LANCL2: variants seen among roughly 807,000 people sequenced by gnomAD.
The protein encoded by LANCL2 is LanC like glutathione S-transferase 2, also known as lanC-like protein 2.
Under a neutral mutation model 56.9 loss-of-function variants are expected in LANCL2, and 33 were observed. That is an observed-to-expected ratio of 0.58 (90% CI 0.44 to 0.78). The LOEUF is 0.78. Ranked by LOEUF, LANCL2 falls within the 30% of genes least tolerant of loss-of-function variation. The pLI is 0.00. For synonymous variants in LANCL2, 233 were observed against 228.2 expected, an observed-to-expected ratio of 1.02 and a Z score of -0.19; for missense variants, 562 against 580.2, an observed-to-expected ratio of 0.97 and a Z score of 0.32.
chr7:55,378,536 G>GTATATATA (rs1562857212), intron 1 of LANCL2, among the ~76,000 whole-genome samples: 9 of 33,350 alleles, frequency 2.7e-4, no homozygotes, highest in Admixed American at 1.1e-3. Context: ...ATGTATACGT[G>GTATATATA]TGTGTGTGTG....
At chr7:55,398,285 A>G in intron 2 of LANCL2, 138 bp from the exon 3 acceptor site, 1 of 635,244 alleles carries the variant, frequency 1.6e-6, no homozygotes, top group Non-Finnish European at 2.8e-6. Flanking sequence ...AAATATATGA[A>G]ATGTATTGTT....
intron 7 of LANCL2, among the ~76,000 whole-genome samples, chr7:55,426,650 G>T (rs1425765434): frequency 6.6e-6 from 1 of 152,212 alleles, no homozygotes; most frequent in Admixed American, 6.5e-5. Context: ...GGTCAGCAAG[G>T]GATGTCTCAG....
chr7:55,388,814 T>C (rs1369421970), intron 1 of LANCL2, among the ~76,000 whole-genome samples: 1 of 152,152 alleles, frequency 6.6e-6, no homozygotes, highest in Non-Finnish European at 1.5e-5. Context: ...CTGGGAGCCC[T>C]TTGGTCCTCA....
chr7:55,379,601 A>G (rs1326774009), intron 1 of LANCL2: 1 of 152,660 alleles, frequency 6.6e-6, no homozygotes, highest in South Asian at 2.1e-4. Context: ...GGTATCCCCT[A>G]TTTATTCCTT....
intron 1 of LANCL2, among the ~76,000 whole-genome samples, chr7:55,385,593 G>A (rs1487535936): frequency 6.6e-6 from 1 of 152,182 alleles, no homozygotes; most frequent in African/African-American, 2.4e-5. Flanking sequence ...ATACGAATAG[G>A]TGTGGGTGAC....
intron 5 of LANCL2, among the ~76,000 whole-genome samples, chr7:55,410,904 T>TCACC (rs1344735854): frequency 6.6e-6 from 1 of 151,614 alleles, no homozygotes; most frequent in Non-Finnish European, 1.5e-5. Context: ...TGTTAACATG[T>TCACC]CACCCTAAGA....
Position 55,428,443 on chromosome 7 carries a change from T to G in LANCL2, c.1254T>G (p.Phe418Leu). 1 of 1,613,614 alleles carries G rather than the reference T, an allele frequency of 6.2e-7. No homozygotes were observed. The highest frequency in any genetic ancestry group is 8.5e-7 in the Non-Finnish European group (1 of 1,179,486). The change falls in exon 8 of 9, where the codon TTT becomes TTG. Residue 418 changes from phenylalanine to leucine, a missense_variant. Coordinates refer to ENST00000254770, the MANE Select transcript of LANCL2 (RefSeq NM_018697.4). Reference protein sequence around the residue: ...CRIPDRPYSLFEGMAGAIHFL... With the variant: ...CRIPDRPYSLLEGMAGAIHFL... ...TTCCTGACAGACCCTATTCGCTCTT[T>G]GAAGGTAAGAGTGAGAAAAATGCTA...
intron 2 of LANCL2, among the ~76,000 whole-genome samples, chr7:55,394,601 T>C (rs1277940410): frequency 6.6e-6 from 1 of 152,090 alleles, no homozygotes; most frequent in Non-Finnish European, 1.5e-5. Flanking sequence ...CCACAACTTA[T>C]CCCTTTAGCA....
rs1790758118 is a variant in LANCL2, at chr7:55,433,610, C to G, written c.*2290C>G. 1 of 152,200 alleles carries G rather than the reference C, an allele frequency of 6.6e-6. No individual in the cohort carries two copies. Among genetic ancestry groups the G allele is most frequent in the Non-Finnish European group, 1.5e-5 (1 of 68,048 alleles). The allele number at this position is 152,200 out of a possible 1,614,324, so 9.4% of individuals were successfully genotyped here. A position where few individuals can be genotyped will look rare whatever the true frequency, so the allele number is the denominator to read the frequency against. ...CACAATTGTGTTCTCTAAAATGTGTCTAAATTTTAAAAATATGTACATGCA... is the reference window on the plus strand; with the variant it reads ...CACAATTGTGTTCTCTAAAATGTGTGTAAATTTTAAAAATATGTACATGCA... On this transcript the variant is annotated 3_prime_UTR_variant, in exon 9 of 9. Transcript: ENST00000254770.
At chr7:55,429,312 T>G (rs1562871774) in intron 8 of LANCL2, among the ~76,000 whole-genome samples, 1 of 152,248 alleles carries the variant, frequency 6.6e-6, no homozygotes, top group East Asian at 1.9e-4. Flanking sequence ...TCTGGAGATT[T>G]ATTTTTCTAG....
Position 55,432,786 on chromosome 7 carries a change from CTGTT to C in LANCL2, c.*1469_*1472del, listed in dbSNP as rs1459983700. ...AGCTTCTAAACGATGCCTGGAGAGT[CTGTT>C]TGCTGCAGACACCCTTGCTCCTGAG... On this transcript the variant is annotated 3_prime_UTR_variant, in exon 9 of 9. Coordinates refer to ENST00000254770, the MANE Select transcript of LANCL2 (RefSeq NM_018697.4). The C allele has an allele frequency of 6.6e-6, 1 of 152,228 alleles. No individual in the cohort carries two copies. The highest frequency in any genetic ancestry group is 1.5e-5 in the Non-Finnish European group (1 of 68,052). 9.4% of individuals were successfully genotyped at this position (152,228 alleles called of 1,614,324 possible).
At chr7:55,398,190 CCAAG>C (rs1562862867) in intron 2 of LANCL2, among the ~76,000 whole-genome samples, 6 of 152,118 alleles carry the variant, frequency 3.9e-5, no homozygotes, top group Non-Finnish European at 5.9e-5. Flanking sequence ...AGGACAAGCA[CCAAG>C]ATAACATGTA....
chr7:55,403,577 T>C, intron 5 of LANCL2, among the ~76,000 whole-genome samples: 1 of 141,194 alleles, frequency 7.1e-6, no homozygotes, highest in South Asian at 2.3e-4. Flanking sequence ...TTGTTTTTTT[T>C]TTTTTTTTTT....
At chr7:55,404,120 A>G (rs977009055) in intron 5 of LANCL2, among the ~76,000 whole-genome samples, 1 of 152,048 alleles carries the variant, frequency 6.6e-6, no homozygotes, top group African/African-American at 2.4e-5. Flanking sequence ...GCCAGTAGAG[A>G]CCCCATAACT....
At chr7:55,404,335 C>T (rs954169860) in intron 5 of LANCL2, among the ~76,000 whole-genome samples, 6 of 152,158 alleles carry the variant, frequency 3.9e-5, no homozygotes, top group African/African-American at 1.4e-4. Context: ...TAAATTTAAG[C>T]TTTCTTTATT....
At chr7:55,418,072 T>G (rs1203152769) in intron 6 of LANCL2, among the ~76,000 whole-genome samples, 1 of 152,234 alleles carries the variant, frequency 6.6e-6, no homozygotes, top group Non-Finnish European at 1.5e-5. Flanking sequence ...CAATAGTGCT[T>G]TATAGTTTTT....
Position 55,400,358 on chromosome 7 carries a change from A to G in LANCL2, c.678+254A>G, listed in dbSNP as rs114038448. On this transcript the variant is annotated intron_variant, in intron 4 of 8. Transcript: ENST00000254770. Reference sequence around the variant, plus strand: ...GCAGCTTCAGAAAGTTAGAATGTTTATTTATCTTTCGTGAGATGTCTCAGC... The same window carrying G: ...GCAGCTTCAGAAAGTTAGAATGTTTGTTTATCTTTCGTGAGATGTCTCAGC... Among the ~76,000 whole-genome samples, 692 of 152,274 alleles carry G rather than the reference A, an allele frequency of 4.5e-3. 4 individuals carry two copies. The highest frequency in any genetic ancestry group is 0.02 in the Middle Eastern group (6 of 294).
At chr7:55,399,308 A>G (rs1266797680) in intron 3 of LANCL2, among the ~76,000 whole-genome samples, 1 of 149,764 alleles carries the variant, frequency 6.7e-6, no homozygotes, top group Non-Finnish European at 1.5e-5. Flanking sequence ...AGACAGAATG[A>G]CAGTCTAATT....
At chr7:55,384,324 C>T (rs529429321) in intron 1 of LANCL2, among the ~76,000 whole-genome samples, 62 of 152,174 alleles carry the variant, frequency 4.1e-4, no homozygotes, top group African/African-American at 1.4e-3. Flanking sequence ...GAGGCCGAGG[C>T]GGGTGGATCA....
Sources: gnomAD v4.1 joint callset for allele counts (sites outside exome capture counted in the v4.1 genomes callset) on GRCh38, gnomAD v4.1.1 for gene constraint, MANE v1.5 for transcripts, NCBI Gene and HGNC (gene_info 2026-07-23, HGNC 2026-07-21) for gene names.